GC: variants seen among roughly 807,000 people sequenced by gnomAD.
GC encodes vitamin D-binding protein.
Under a neutral mutation model 56.7 loss-of-function variants are expected in GC, and 43 were observed. The ratio of observed to expected loss-of-function variants is 0.76; its 90% CI spans 0.59 to 0.98. The LOEUF (loss-of-function observed/expected upper bound fraction) is 0.98, where lower values mean the gene tolerates loss of function less well. GC is among the 50% of genes least tolerant of loss of function. The pLI is 0.00. For synonymous variants in GC, 216 were observed against 202.7 expected (o/e 1.07, Z -0.56); for missense variants, 529 against 545.9 (o/e 0.97, Z 0.31).
upstream of GC, among the ~76,000 whole-genome samples, chr4:71,786,355 CAT>C (rs1414051481): frequency 4.0e-5 from 6 of 151,718 alleles, no homozygotes; most frequent in African/African-American, 1.5e-4. Flanking sequence ...TGAGAGGCCT[CAT>C]GTGACAATGA....
In GC at chr4:71,752,551, G is replaced by A; in HGVS notation, c.1362C>T (p.Ser454=). The A allele has an allele frequency of 6.2e-7, 1 of 1,613,414 alleles. No individual in the cohort carries two copies. Among genetic ancestry groups the A allele is most frequent in the East Asian group, 2.2e-5 (1 of 44,860 alleles). ...CACAGTAAAGAGGAGGTGAGTTTAT[G>A]GAACAGCAGTTGGAGGCAAAGTCTG... ...KHSDFASNCC[S]INSPPLYCDS... The change falls in exon 11 of 13, where the codon TCC becomes TCT. Residue 454 remains serine, a synonymous_variant. Coordinates refer to ENST00000273951, the MANE Select transcript of GC (RefSeq NM_000583.4).
intron 2 of GC, 103 bp downstream of exon 2, chr4:71,769,228 G>T: frequency 1.2e-6 from 1 of 817,628 alleles, no homozygotes; most frequent in Non-Finnish European, 2.0e-6. Context: ...CTTACTCTTG[G>T]CAAGGATTAA....
intron 6 of GC, among the ~76,000 whole-genome samples, chr4:71,758,384 T>C (rs1275984710): frequency 6.6e-6 from 1 of 152,198 alleles, no homozygotes; most frequent in Non-Finnish European, 1.5e-5. Context: ...AAATTTTCAG[T>C]ACCCAAATGC....
At chr4:71,787,373 T>A (rs1742865392), upstream of GC, among the ~76,000 whole-genome samples, 1 of 151,932 alleles carries the variant, frequency 6.6e-6, no homozygotes, top group African/African-American at 2.4e-5. Flanking sequence ...TTCCACTGTC[T>A]TTGTTCACAT....
At chr4:71,801,008 T>C (rs1443389474) in intron 1 of GC, among the ~76,000 whole-genome samples, 1 of 152,198 alleles carries the variant, frequency 6.6e-6, no homozygotes, top group Non-Finnish European at 1.5e-5. Flanking sequence ...ATTAAAACTT[T>C]ATGCTTCATA....
chr4:71,800,860 C>T (rs909678105), intron 1 of GC, among the ~76,000 whole-genome samples: 4 of 152,234 alleles, frequency 2.6e-5, no homozygotes. Flanking sequence ...TTCACTATTA[C>T]ATTTTTAGAA....
intron 6 of GC, among the ~76,000 whole-genome samples, chr4:71,760,856 T>C (rs1034474993): frequency 2.0e-5 from 3 of 152,198 alleles, no homozygotes; most frequent in Non-Finnish European, 4.4e-5. Context: ...CCTCCTTGCC[T>C]TCCACCATGA....
chr4:71,762,973 T>G (rs1226885693), intron 6 of GC, among the ~76,000 whole-genome samples: 1 of 152,212 alleles, frequency 6.6e-6, no homozygotes, highest in East Asian at 1.9e-4. Flanking sequence ...GCAAGAGATA[T>G]ATACTGTATA....
intron 7 of GC, 95 bp downstream of exon 7, chr4:71,757,947 T>C (rs1048846357): frequency 2.5e-5 from 23 of 924,920 alleles, no homozygotes; most frequent in Non-Finnish European, 3.5e-5. Flanking sequence ...GTTAGGATAA[T>C]GCATATGAAA....
intron 1 of GC, among the ~76,000 whole-genome samples, chr4:71,798,779 G>A (rs1251940502): frequency 2.0e-5 from 3 of 152,158 alleles, no homozygotes; most frequent in African/African-American, 2.4e-5. Context: ...TCATAATGAG[G>A]TCTTTCCACT....
At chr4:71,763,768 A>C in intron 5 of GC, 36 bp downstream of exon 5, 1 of 1,553,426 alleles carries the variant, frequency 6.4e-7, no homozygotes. Context: ...TTAGAAGAAA[A>C]AAACGTAAAC....
intron 1 of GC, among the ~76,000 whole-genome samples, chr4:71,796,425 CT>C (rs1743107993): frequency 6.6e-6 from 1 of 152,182 alleles, no homozygotes; most frequent in Non-Finnish European, 1.5e-5. Flanking sequence ...TCTTCAATCG[CT>C]GATATCCTTT....
chr4:71,756,447 A>G (rs1036789451), intron 8 of GC, among the ~76,000 whole-genome samples: 4 of 152,244 alleles, frequency 2.6e-5, no homozygotes, highest in African/African-American at 9.6e-5. Context: ...GGCCATGCAC[A>G]GGAAACAGAG....
chr4:71,781,244 G>C (rs1306068888), intron 1 of GC, among the ~76,000 whole-genome samples: 4 of 151,826 alleles, frequency 2.6e-5, no homozygotes, highest in Non-Finnish European at 4.4e-5. Context: ...ATGGGGTGGG[G>C]AGCAGGGGGA....
intron 6 of GC, among the ~76,000 whole-genome samples, chr4:71,761,239 A>G (rs1288640505): frequency 2.0e-5 from 3 of 152,140 alleles, no homozygotes; most frequent in Non-Finnish European, 2.9e-5. Flanking sequence ...AGCAAAGGTG[A>G]CTCTTGTTAT....
intron 1 of GC, among the ~76,000 whole-genome samples, chr4:71,778,891 G>GTTATTGTTA (rs71213587): frequency 0.4 from 57,113 of 143,064 alleles, 13,091 homozygotes; most frequent in Middle Eastern, 0.57. Flanking sequence ...ATTGCTGTCA[G>GTTATTGTTA]TTATTATTAT....
intron 12 of GC, among the ~76,000 whole-genome samples, chr4:71,743,384 T>C (rs538938928): frequency 3.1e-4 from 47 of 152,230 alleles, no homozygotes; most frequent in South Asian, 4.1e-4. Context: ...GGAAAAATCA[T>C]TGAAGAAAAT....
chr4:71,761,080 G>T (rs1015858938), intron 6 of GC, among the ~76,000 whole-genome samples: 5 of 152,160 alleles, frequency 3.3e-5, no homozygotes, highest in Non-Finnish European at 5.9e-5. Flanking sequence ...AGTTTGGAGG[G>T]CTCAGAAGAA....
intron 1 of GC, among the ~76,000 whole-genome samples, chr4:71,798,721 G>C (rs1490694537): frequency 1.3e-5 from 2 of 152,098 alleles, no homozygotes; most frequent in African/African-American, 4.8e-5. Flanking sequence ...AGTCTTCCAA[G>C]GTCTAGTCTT....
Sources: gnomAD v4.1 joint callset for allele counts (sites outside exome capture counted in the v4.1 genomes callset) on GRCh38, gnomAD v4.1.1 for gene constraint, MANE v1.5 for transcripts, NCBI Gene and HGNC (gene_info 2026-07-23, HGNC 2026-07-21) for gene names.